The following WWOX variants were observed in gnomAD, a reference collection of about 807,000 sequenced individuals.
WWOX encodes the protein WW domain containing oxidoreductase.
Under a neutral mutation model 46.2 loss-of-function variants are expected in WWOX, and 69 were observed. The ratio of observed to expected loss-of-function variants is 1.49; its 90% confidence interval spans 1.23 to 1.82. The LOEUF (loss-of-function observed/expected upper bound fraction) is 1.82, where lower values mean the gene tolerates loss of function less well. Among genes scored for constraint, WWOX ranks in the 40% most tolerant of loss-of-function variants. WWOX has a pLI of 0.00. For synonymous variants in WWOX, 359 were observed against 202.6 expected (o/e 1.77, Z -6.56); for missense variants, 919 against 542.6 (o/e 1.69, Z -6.89).
chr16:78,793,187 C>T (rs908255810), intron 8 of WWOX, among the ~76,000 whole-genome samples: 3 of 152,156 alleles, frequency 2.0e-5, no homozygotes, highest in South Asian at 2.1e-4. Context: ...ATCTTCACAC[C>T]TCAGCCTCCC....
At chr16:78,141,728 A>G (rs539119342) in intron 4 of WWOX, among the ~76,000 whole-genome samples, 95 of 152,218 alleles carry the variant, frequency 6.2e-4, no homozygotes, top group African/African-American at 2.1e-3. Context: ...ATGCATAGAA[A>G]TATTTGTTAC....
At chr16:79,188,322 C>CACAGCTTT (rs1484942365) in intron 8 of WWOX, among the ~76,000 whole-genome samples, 1 of 152,222 alleles carries the variant, frequency 6.6e-6, no homozygotes, top group African/African-American at 2.4e-5. Context: ...TGGTTTTAGA[C>CACAGCTTT]ACAGCTTTGA....
intron 8 of WWOX, among the ~76,000 whole-genome samples, chr16:78,785,076 C>G (rs979277731): frequency 6.6e-5 from 10 of 152,104 alleles, no homozygotes; most frequent in Admixed American, 5.2e-4. Flanking sequence ...TGGGCAGTCT[C>G]CAGGGAATAT....
intron 8 of WWOX, among the ~76,000 whole-genome samples, chr16:79,186,306 C>T (rs951636169): frequency 2.0e-5 from 3 of 152,196 alleles, no homozygotes; most frequent in African/African-American, 4.8e-5. Flanking sequence ...AGAAGCCAGA[C>T]GTCTGAGACC....
chr16:78,774,497 TG>T (rs1316654446), intron 8 of WWOX, among the ~76,000 whole-genome samples: 107 of 12,838 alleles, frequency 8.3e-3, no homozygotes, highest in African/African-American at 0.025. Flanking sequence ...AGACCCATTT[TG>T]TGTGTGTGTG....
At chr16:78,974,407 C>G (rs560500858) in intron 8 of WWOX, among the ~76,000 whole-genome samples, 7 of 152,292 alleles carry the variant, frequency 4.6e-5, no homozygotes, top group South Asian at 2.1e-4. Context: ...TTGCTATACA[C>G]TAGCCTTGGA....
intron 8 of WWOX, among the ~76,000 whole-genome samples, chr16:78,664,247 T>A (rs1486193577): frequency 6.6e-6 from 1 of 152,186 alleles, no homozygotes; most frequent in Non-Finnish European, 1.5e-5. Context: ...ATTGTCAGTT[T>A]TCGTGTCTCC....
At chr16:78,351,558 T>C (rs1212290685) in intron 5 of WWOX, among the ~76,000 whole-genome samples, 1 of 152,160 alleles carries the variant, frequency 6.6e-6, no homozygotes, top group Non-Finnish European at 1.5e-5. Context: ...CTCTAAATAT[T>C]TAACATTCAC....
chr16:79,062,154 C>T (rs2048367659), intron 8 of WWOX, among the ~76,000 whole-genome samples: 1 of 152,144 alleles, frequency 6.6e-6, no homozygotes, highest in Admixed American at 6.5e-5. Flanking sequence ...GTTAGGGAGA[C>T]TGGGGGCCCC....
In WWOX at chr16:78,424,229, G is replaced by A. The variant is rs56102093; in HGVS notation, c.606-641G>A. Among the ~76,000 whole-genome samples the A allele has an allele frequency of 4.9e-3, 730 of 148,666 alleles. 6 individuals are homozygous for A. Among genetic ancestry groups the A allele is most frequent in the African/African-American group, 0.016 (659 of 40,310 alleles). ...GCCTCCTGGGTTCAAGTGATTCTCCGGCCTCAGCCTCCTGAGTAACTGGGA... is the reference window on the plus strand; with the variant it reads ...GCCTCCTGGGTTCAAGTGATTCTCCAGCCTCAGCCTCCTGAGTAACTGGGA... On this transcript the variant is annotated intron_variant, in intron 6 of 8. Coordinates refer to ENST00000566780, the MANE Select transcript of WWOX (RefSeq NM_016373.4).
intron 8 of WWOX, among the ~76,000 whole-genome samples, chr16:78,559,962 G>C (rs565144837): frequency 6.6e-6 from 1 of 152,082 alleles, no homozygotes; most frequent in Non-Finnish European, 1.5e-5. Context: ...TTTCTATTTT[G>C]TCTGAACTAG....
rs1050119227 is a variant in WWOX at position 79,090,507 on chromosome 16, G to A, written c.1057-121101G>A. Among the ~76,000 whole-genome samples the A allele has an allele frequency of 9.2e-5, 14 of 152,088 alleles. No individual in the cohort carries two copies. In the South Asian group the frequency reaches 1.2e-3, roughly 13 times the overall value. On this transcript the variant is annotated intron_variant, in intron 8 of 8. Transcript: ENST00000566780. The stretch of plus-strand genomic sequence containing the variant: ...TTTCATTCTACTTGGGGAAAGAGAC[G>A]TGAAAGAAATCAAGACATGCAAGCA...
chr16:78,487,806 T>G (rs2084676372), intron 8 of WWOX, among the ~76,000 whole-genome samples: 1 of 152,170 alleles, frequency 6.6e-6, no homozygotes. Context: ...ACTGCATCAT[T>G]GTTTTTAGCC....
chr16:78,984,960 G>C (rs560404173), intron 8 of WWOX, among the ~76,000 whole-genome samples: 1 of 152,064 alleles, frequency 6.6e-6, no homozygotes, highest in Non-Finnish European at 1.5e-5. Flanking sequence ...ATGTTAAGAG[G>C]ATATGGACAG....
chr16:79,086,278 GT>G (rs377356035), intron 8 of WWOX, among the ~76,000 whole-genome samples: 138 of 152,134 alleles, frequency 9.1e-4, no homozygotes, highest in African/African-American at 3.3e-3. Context: ...CCTTCCAATT[GT>G]TAAGTTCTAG....
At chr16:79,207,370 C>A (rs970880194) in intron 8 of WWOX, among the ~76,000 whole-genome samples, 3 of 152,252 alleles carry the variant, frequency 2.0e-5, no homozygotes, top group African/African-American at 7.2e-5. Context: ...TTCAGATCAC[C>A]ACTTTGTCCT....
chr16:78,823,230 AG>A (rs1336671394), intron 8 of WWOX, among the ~76,000 whole-genome samples: 2 of 152,238 alleles, frequency 1.3e-5, no homozygotes, highest in African/African-American at 4.8e-5. Flanking sequence ...GGTGCTGTAT[AG>A]AAATGCCTTA....
At chr16:78,516,754 C>G (rs1489876820) in intron 8 of WWOX, among the ~76,000 whole-genome samples, 1 of 152,132 alleles carries the variant, frequency 6.6e-6, no homozygotes, top group Admixed American at 6.6e-5. Flanking sequence ...TTTCCTAATG[C>G]TCCTTCCATT....
chr16:78,196,202 A>G lies in WWOX; in HGVS notation c.516+31913A>G, dbSNP rs1249568762. 2.0e-5 allele frequency among the ~76,000 whole-genome samples: 3 copies of G among 152,256 alleles called. No individual in the cohort carries two copies. The East Asian group carries it at 5.8e-4, about 29-fold the overall frequency. On this transcript the variant is annotated intron_variant, in intron 5 of 8. Transcript: ENST00000566780. ...ATGATTGTACCTTTTAGCCATATCTACAATTAATTTGAATGTATTGCAAGC... is the reference window on the plus strand; with the variant it reads ...ATGATTGTACCTTTTAGCCATATCTGCAATTAATTTGAATGTATTGCAAGC...
Sources: gnomAD v4.1 joint callset for allele counts (sites outside exome capture counted in the v4.1 genomes callset) on GRCh38, gnomAD v4.1.1 for gene constraint, MANE v1.5 for transcripts, NCBI Gene and HGNC (gene_info 2026-07-23, HGNC 2026-07-21) for gene names.